The following ACTN4 variants were observed in gnomAD, a reference collection of about 807,000 sequenced individuals.
ACTN4 encodes alpha-actinin-4.
ACTN4 carries 18 observed loss-of-function variants against 114.2 expected under a neutral mutation model. The observed-to-expected ratio is 0.16, with a 90% CI of 0.11 to 0.23. The LOEUF (loss-of-function observed/expected upper bound fraction) is 0.23, where lower values mean the gene tolerates loss of function less well. ACTN4 is among the 10% of genes least tolerant of loss of function. The pLI, the probability that ACTN4 is intolerant of heterozygous loss-of-function variation, is 1.00. For missense variants in ACTN4, 722 were observed against 1,262.9 expected (o/e 0.57, Z 6.49); for synonymous variants, 515 against 506.3 (o/e 1.02, Z -0.23).
In ACTN4 at chr19:38,729,066, C is replaced by G. The variant is rs1969374231; in HGVS notation, c.2489C>G (p.Ala830Gly). 1.2e-6 allele frequency: 2 copies of G among 1,613,560 alleles called. No homozygotes were observed. The highest frequency in any genetic ancestry group is 1.7e-6 in the Non-Finnish European group (2 of 1,180,028). ...PNHSGLVTFQ[A>G]FIDFMSRETT... The stretch of plus-strand genomic sequence containing the variant: ...CATAGCGGCCTTGTGACCTTCCAAG[C>G]CTTCATCGACTTCATGTCGCGGGAG... The change falls in exon 20 of 21, where the codon GCC becomes GGC. Residue 830 changes from alanine (A) to glycine (G), a missense_variant. This residue lies in a region of ACTN4 where 523 missense variants were observed against 875.9 expected (regional missense o/e 0.60). Coordinates refer to ENST00000252699, the MANE Select transcript of ACTN4 (RefSeq NM_004924.6).
At chr19:38,716,888 G>A (rs1479549853) in intron 9 of ACTN4, among the ~76,000 whole-genome samples, 198 bp from the exon 10 acceptor site, 1 of 152,262 alleles carries the variant, frequency 6.6e-6, no homozygotes, top group Non-Finnish European at 1.5e-5. Context: ...GCAGGGACAG[G>A]GAGGGAGCCC....
At chr19:38,719,768 C>T (rs1189774249) in intron 11 of ACTN4, among the ~76,000 whole-genome samples, 2 of 152,272 alleles carry the variant, frequency 1.3e-5, no homozygotes, top group Non-Finnish European at 2.9e-5. Flanking sequence ...CACCCATCAG[C>T]TCTTCAGTCC....
At chr19:38,669,128 A>AATTAGCTG (rs1205121154) in intron 1 of ACTN4, among the ~76,000 whole-genome samples, 3 of 152,158 alleles carry the variant, frequency 2.0e-5, no homozygotes, top group Non-Finnish European at 4.4e-5. Context: ...CTGGGATTAC[A>AATTAGCTG]GACGCCTGCC....
chr19:38,706,019 C>T, intron 4 of ACTN4, 25 bp from the exon 5 acceptor site: 1 of 1,612,740 alleles, frequency 6.2e-7, no homozygotes, highest in Non-Finnish European at 8.5e-7. Context: ...TGAGCCAGTG[C>T]TCACTGTCTT....
chr19:38,723,439 G>A (rs148093542), intron 12 of ACTN4, among the ~76,000 whole-genome samples, 175 bp from the exon 13 acceptor site: 5 of 152,246 alleles, frequency 3.3e-5, no homozygotes, highest in Admixed American at 2.6e-4. Context: ...TACCCTGGGG[G>A]TCCCATGGGC....
At chr19:38,673,527 TCA>T (rs1568689695) in intron 1 of ACTN4, among the ~76,000 whole-genome samples, 50 of 100,814 alleles carry the variant, frequency 5.0e-4, no homozygotes, top group African/African-American at 1.8e-3. Context: ...TTATATATAT[TCA>T]TATATACTTA....
rs1401116444 is a variant in ACTN4, at chr19:38,700,585, G to A, written c.163-15G>A. 2 of 1,606,268 alleles carry A rather than the reference G, an allele frequency of 1.2e-6. No individual in the cohort carries two copies. Among genetic ancestry groups the A allele is most frequent in the African/African-American group, 1.3e-5 (1 of 74,738 alleles). On this transcript the variant is annotated splice_polypyrimidine_tract_variant and intron_variant, in intron 1 of 20. Coordinates refer to ENST00000252699, the MANE Select transcript of ACTN4 (RefSeq NM_004924.6). ...AGGCTGACTCTGCGCACTGTCCTTTGTTCTGCTTCCCCAGACCTTCACGGC... is the reference window on the plus strand; with the variant it reads ...AGGCTGACTCTGCGCACTGTCCTTTATTCTGCTTCCCCAGACCTTCACGGC...
intron 1 of ACTN4, among the ~76,000 whole-genome samples, chr19:38,680,288 G>A (rs572988123): frequency 1.3e-4 from 19 of 147,538 alleles, no homozygotes; most frequent in African/African-American, 4.3e-4. Flanking sequence ...GAGTGCAGTG[G>A]CACAATCTTG....
In ACTN4 at chr19:38,729,044, A is replaced by G. The variant is rs778018950; in HGVS notation, c.2467A>G (p.Ser823Gly). The G allele has an allele frequency of 5.6e-6, 9 of 1,613,482 alleles. No individual in the cohort carries two copies. The highest frequency in any genetic ancestry group is 7.6e-6 in the Non-Finnish European group (9 of 1,180,006). Residue 823 changes from serine to glycine, a missense_variant, in exon 20 of 21, where the codon AGC (serine) becomes GGC (glycine). Ser to Gly is a moderately conservative substitution (Grantham distance 56). Around this residue, in one of 3 missense-constraint regions of ACTN4, gnomAD observed 523 missense variants for 875.9 expected, o/e 0.60. Coordinates refer to ENST00000252699, the MANE Select transcript of ACTN4 (RefSeq NM_004924.6). ...CATGAGCCTGGTCGACCCCAACCAT[A>G]GCGGCCTTGTGACCTTCCAAGCCTT... ...RIMSLVDPNH[S>G]GLVTFQAFID...
chr19:38,711,331 C>T, intron 8 of ACTN4: 2 of 1,044,262 alleles, frequency 1.9e-6, no homozygotes, highest in African/African-American at 1.7e-5. Context: ...ACGTGTCCTG[C>T]TTCTACCACG....
intron 13 of ACTN4, 54 bp from the exon 14 acceptor site, chr19:38,723,883 C>T: frequency 6.3e-7 from 1 of 1,597,836 alleles, no homozygotes; most frequent in Non-Finnish European, 8.6e-7. Context: ...CCCTCCTGCT[C>T]ACATACTGAC....
intron 1 of ACTN4, among the ~76,000 whole-genome samples, chr19:38,665,640 T>C (rs1966933185): frequency 1.3e-5 from 2 of 152,140 alleles, no homozygotes; most frequent in Admixed American, 1.3e-4. Flanking sequence ...AGTGGGCACT[T>C]GAGCAAGTGA....
intron 1 of ACTN4, among the ~76,000 whole-genome samples, chr19:38,657,321 T>G (rs2144836129): frequency 6.6e-6 from 1 of 152,258 alleles, no homozygotes; most frequent in African/African-American, 2.4e-5. Context: ...TTTTGTATTT[T>G]TAGTAGAGAC....
chr19:38,725,698 C>T, intron 16 of ACTN4, 26 bp from the exon 17 acceptor site: 1 of 1,610,880 alleles, frequency 6.2e-7, no homozygotes, highest in Non-Finnish European at 8.5e-7. Context: ...CCAGCCTCAC[C>T]CCACCGCCTG....
intron 6 of ACTN4, 85 bp downstream of exon 6, chr19:38,708,280 C>A: frequency 6.9e-7 from 1 of 1,441,878 alleles, no homozygotes; most frequent in Non-Finnish European, 9.7e-7. Context: ...CATGCCCTTC[C>A]ATCGCCAGCC....
chr19:38,700,563 C>A, intron 1 of ACTN4, 37 bp from the exon 2 acceptor site: 1 of 1,567,464 alleles, frequency 6.4e-7, no homozygotes, highest in Non-Finnish European at 8.8e-7. Flanking sequence ...GACAGCCAGG[C>A]TGACTCTGCG....
chr19:38,674,291 C>T (rs1208683447), intron 1 of ACTN4, among the ~76,000 whole-genome samples: 6 of 152,064 alleles, frequency 3.9e-5, no homozygotes, highest in Non-Finnish European at 8.8e-5. Context: ...TAAAATGAGA[C>T]CAAGACAGTG....
At chr19:38,714,119 C>T (rs950177116) in intron 8 of ACTN4, among the ~76,000 whole-genome samples, 3 of 152,208 alleles carry the variant, frequency 2.0e-5, no homozygotes, top group Non-Finnish European at 4.4e-5. Flanking sequence ...ACCTTCCCAC[C>T]GGGAGAGACT....
chr19:38,731,051 C>T lies in ACTN4; in HGVS notation c.*1619C>T. ...GTGCAGAGAGGGGCAGGGTGAGTGCCCACCAGTCCCCGTACCCCTTCCCCC... is the reference window on the plus strand; with the variant it reads ...GTGCAGAGAGGGGCAGGGTGAGTGCTCACCAGTCCCCGTACCCCTTCCCCC... On this transcript the variant is annotated 3_prime_UTR_variant, in exon 21 of 21. Coordinates refer to ENST00000252699, the MANE Select transcript of ACTN4 (RefSeq NM_004924.6). 1 of 1,558,860 alleles carries T rather than the reference C, an allele frequency of 6.4e-7. No homozygotes were observed. The highest frequency in any genetic ancestry group is 8.7e-7 in the Non-Finnish European group (1 of 1,152,462).
Sources: gnomAD v4.1 joint callset for allele counts (sites outside exome capture counted in the v4.1 genomes callset) on GRCh38, gnomAD v4.1.1 for gene constraint, gnomAD v4.1.1 regional missense constraint, MANE v1.5 for transcripts, NCBI Gene and HGNC (gene_info 2026-07-23, HGNC 2026-07-21) for gene names.